SYTL2: variants seen among roughly 807,000 people sequenced by gnomAD.
SYTL2 encodes the protein synaptotagmin like 2.
A neutral mutation model predicts 198.7 loss-of-function variants in SYTL2; 165 were observed. The ratio of observed to expected loss-of-function variants is 0.83; its 90% CI spans 0.73 to 0.94. The LOEUF (loss-of-function observed/expected upper bound fraction) is 0.94. SYTL2 is among the 40% of genes least tolerant of loss of function. The pLI is 0.00. For missense variants in SYTL2, 2,835 were observed against 2,582.8 expected (o/e 1.10, Z -2.12); for synonymous variants, 966 against 917.7 (o/e 1.05, Z -0.95).
intron 1 of SYTL2, among the ~76,000 whole-genome samples, chr11:85,803,404 T>C (rs547460557): frequency 1.3e-5 from 2 of 152,204 alleles, no homozygotes; most frequent in African/African-American, 2.4e-5. Flanking sequence ...CAGTTCTCCA[T>C]AGTATTTCAG....
chr11:85,719,423 C>T, intron 9 of SYTL2: 1 of 686,152 alleles, frequency 1.5e-6, no homozygotes, highest in Non-Finnish European at 1.9e-6. Context: ...CTATACATTC[C>T]TGAGTACTTT....
intron 2 of SYTL2, among the ~76,000 whole-genome samples, chr11:85,749,878 T>C (rs1591887052): frequency 6.6e-6 from 1 of 152,298 alleles, no homozygotes; most frequent in Non-Finnish European, 1.5e-5. Context: ...GGGCAGGGTC[T>C]GTACTCAATA....
In SYTL2 at chr11:85,727,207, T is replaced by G. The variant is rs2089299755; in HGVS notation, c.2151A>C (p.Ser717=). 2.0e-6 allele frequency: 3 copies of G among 1,536,462 alleles called. No homozygotes were observed. Among genetic ancestry groups the G allele is most frequent in the Non-Finnish European group, 2.6e-6 (3 of 1,146,988 alleles). The part of the protein sequence containing the change: ...RGHSEVNFDS[S]TVVKEPGLKD... ...TCAAACCTGGTTCTTTGACAACTGT[T>G]GAAGAGTCAAAATTCACTTCTGAGT... Residue 717 remains serine, a synonymous_variant, in exon 8 of 20, where the codon TCA becomes TCC. Coordinates refer to ENST00000359152, the MANE Select transcript of SYTL2 (RefSeq NM_206927.4).
chr11:85,704,814 C>T (rs1366800401), intron 16 of SYTL2, 44 bp downstream of exon 16: 10 of 1,560,538 alleles, frequency 6.4e-6, no homozygotes, highest in Non-Finnish European at 8.8e-6. Context: ...CACTAGGTAC[C>T]ACATCAACCA....
intron 13 of SYTL2, 70 bp downstream of exon 13, chr11:85,711,043 G>T: frequency 6.5e-7 from 1 of 1,536,812 alleles, no homozygotes; most frequent in South Asian, 1.2e-5. Context: ...GTTTTACAAT[G>T]AGCATGAGCA....
chr11:85,745,616 T>TC (rs2091097777), intron 4 of SYTL2, 21 bp downstream of exon 4: 1 of 1,603,666 alleles, frequency 6.2e-7, no homozygotes, highest in Admixed American at 1.7e-5. Flanking sequence ...GCAGCAGCTC[T>TC]CCCCAGAAGC....
At position 85,724,172 on chromosome 11, in the gene SYTL2, G is replaced by A. The variant is rs1241399518; in HGVS notation, c.5186C>T (p.Thr1729Ile). 3 of 1,603,914 alleles carry A rather than the reference G, an allele frequency of 1.9e-6. No homozygotes were observed. The highest frequency in any genetic ancestry group is 2.5e-6 in the Non-Finnish European group (3 of 1,177,430). The change falls in exon 8 of 20, where the codon ACA (threonine) becomes ATA (isoleucine). Residue 1729 changes from threonine (T) to isoleucine (I), a missense_variant. By Grantham distance (89) the Thr-to-Ile change is moderately conservative. This residue lies in a region of SYTL2 where 2,645 missense variants were observed against 2,381.7 expected (regional missense o/e 1.11). Coordinates refer to ENST00000359152, the MANE Select transcript of SYTL2 (RefSeq NM_206927.4). ...IPLLMNKENSTKTSKVELTLA... is the reference protein window; with the variant it reads ...IPLLMNKENSIKTSKVELTLA... Reference sequence around the variant, plus strand: ...AGTCAATTCAACTTTACTTGTTTTTGTAGAGTTTTCTTTGTTCATCAGGAG... The same window carrying A: ...AGTCAATTCAACTTTACTTGTTTTTATAGAGTTTTCTTTGTTCATCAGGAG...
chr11:85,804,970 C>T (rs1165077903), intron 1 of SYTL2, among the ~76,000 whole-genome samples: 1 of 152,172 alleles, frequency 6.6e-6, no homozygotes, highest in African/African-American at 2.4e-5. Context: ...GTCAACCACC[C>T]AGCACAGCAT....
the SYTL2 span, among the ~76,000 whole-genome samples, chr11:85,844,163 C>T: frequency 6.6e-6 from 1 of 152,164 alleles, no homozygotes; most frequent in Non-Finnish European, 1.5e-5. Context: ...TCGTGTAAGC[C>T]CTAGCTGAAG....
At chr11:85,696,898 A>G (rs1359744562) in intron 18 of SYTL2, among the ~76,000 whole-genome samples, 4 of 152,214 alleles carry the variant, frequency 2.6e-5, no homozygotes, top group African/African-American at 7.2e-5. Flanking sequence ...ACCTCTCCAA[A>G]TTGCTAGATT....
chr11:85,806,259 C>G (rs932441670), intron 1 of SYTL2, among the ~76,000 whole-genome samples: 1 of 152,208 alleles, frequency 6.6e-6, no homozygotes, highest in Non-Finnish European at 1.5e-5. Flanking sequence ...CTATTCCAAT[C>G]ATAGCTGCAC....
the SYTL2 span, among the ~76,000 whole-genome samples, chr11:85,833,150 GGAAGGAAAGAAA>G: frequency 0.034 from 2,462 of 73,492 alleles, 295 homozygotes; most frequent in African/African-American, 0.098. Context: ...AAGGAAGGAA[GGAAGGAAAGAAA>G]GAAAGAAAGA....
At chr11:85,799,071 T>C (rs1433019210) in intron 1 of SYTL2, among the ~76,000 whole-genome samples, 1 of 152,168 alleles carries the variant, frequency 6.6e-6, no homozygotes, top group Admixed American at 6.5e-5. Context: ...AAAAGCCAAA[T>C]ATCTAATTAA....
chr11:85,761,689 C>T (rs1307056470), intron 1 of SYTL2, among the ~76,000 whole-genome samples: 2 of 152,218 alleles, frequency 1.3e-5, no homozygotes, highest in South Asian at 2.1e-4. Flanking sequence ...GACAGGGTCT[C>T]ACTCCATTGC....
chr11:85,851,095 G>A, the SYTL2 span, among the ~76,000 whole-genome samples: 2 of 151,832 alleles, frequency 1.3e-5, no homozygotes, highest in South Asian at 2.1e-4. Context: ...GTTAGTGGGT[G>A]CAGCGCACCA....
intron 1 of SYTL2, among the ~76,000 whole-genome samples, chr11:85,792,618 C>CT (rs34575906): frequency 0.25 from 37,867 of 148,862 alleles, 5,223 homozygotes; most frequent in South Asian, 0.36. Context: ...AGTTTCAGAG[C>CT]TTTTTTTTTT....
the SYTL2 span, among the ~76,000 whole-genome samples, chr11:85,838,491 A>G: frequency 2.6e-4 from 39 of 152,304 alleles, no homozygotes; most frequent in East Asian, 7.1e-3. Context: ...CCTTACAGGA[A>G]TCATGGTGCC....
Position 85,761,910 on chromosome 11 carries a change from C to T in SYTL2, c.-389-3796G>A, listed in dbSNP as rs572952638. Among the ~76,000 whole-genome samples the T allele has an allele frequency of 3.3e-5, 5 of 152,334 alleles. No homozygotes were observed. The East Asian group carries it at 5.8e-4, about 18-fold the overall frequency. ...CTGGCTTCAAGTGATCTGCCGGCCT[C>T]GGCCTCCCAAAGTATTGGGATTACA... is the stretch of plus-strand genomic sequence containing the variant. On this transcript the variant is annotated intron_variant, in intron 1 of 19. Transcript: ENST00000359152.
intron 11 of SYTL2, chr11:85,716,911 A>G (rs1417838815): frequency 6.6e-6 from 1 of 152,196 alleles, no homozygotes; most frequent in African/African-American, 2.4e-5. Context: ...ACAGGTATAC[A>G]TTTACTTCTT....
Sources: gnomAD v4.1 joint callset for allele counts (sites outside exome capture counted in the v4.1 genomes callset) on GRCh38, gnomAD v4.1.1 for gene constraint, gnomAD v4.1.1 regional missense constraint, MANE v1.5 for transcripts, NCBI Gene and HGNC (gene_info 2026-07-23, HGNC 2026-07-21) for gene names.